ERC2: variants seen among roughly 807,000 people sequenced by gnomAD.
ERC2 encodes the protein ELKS/RAB6-interacting/CAST family member 2, also known as ERC protein 2.
Under a neutral mutation model 114.8 loss-of-function variants are expected in ERC2, and 42 were observed. The ratio of observed to expected loss-of-function variants is 0.37; its 90% confidence interval spans 0.29 to 0.47. ERC2 has a LOEUF of 0.47. ERC2 is among the 20% of genes least tolerant of loss of function. The pLI, the probability that ERC2 is intolerant of heterozygous loss-of-function variation, is 0.99. For missense variants in ERC2, 939 were observed against 1,150.7 expected (o/e 0.82, Z 2.66); for synonymous variants, 454 against 425.5 (o/e 1.07, Z -0.82).
intron 17 of ERC2, among the ~76,000 whole-genome samples, chr3:55,669,523 A>C (rs183204940): frequency 1.3e-5 from 2 of 152,320 alleles, no homozygotes; most frequent in East Asian, 3.9e-4. Flanking sequence ...TTTCTTTGTA[A>C]TTTCACTTGG....
At chr3:56,017,760 G>A (rs570181905) in intron 8 of ERC2, among the ~76,000 whole-genome samples, 2 of 152,038 alleles carry the variant, frequency 1.3e-5, no homozygotes, top group African/African-American at 2.4e-5. Context: ...CGTATTTATT[G>A]TCTGTCTCCC....
chr3:56,370,989 G>A (rs1261554410), intron 2 of ERC2, among the ~76,000 whole-genome samples: 1 of 152,180 alleles, frequency 6.6e-6, no homozygotes, highest in African/African-American at 2.4e-5. Flanking sequence ...TCTATATGGA[G>A]CCTTAAATGC....
rs754962233 is a variant in ERC2 at position 55,699,359 on chromosome 3, A to C, written c.2847+19T>G. ...AAAGGGTAAAAGGGGTCTTGGAGGT[A>C]AGCAGCGATGAAACTGACCTGGTCC... is the stretch of plus-strand genomic sequence containing the variant. On this transcript the variant is annotated intron_variant, in intron 16 of 17. Transcript: ENST00000288221. The C allele has an allele frequency of 3.7e-6, 6 of 1,613,404 alleles. No homozygotes were observed. The highest frequency in any genetic ancestry group is 5.1e-6 in the Non-Finnish European group (6 of 1,179,654).
At chr3:55,596,785 T>C (rs1024217219) in intron 17 of ERC2, among the ~76,000 whole-genome samples, 3 of 152,144 alleles carry the variant, frequency 2.0e-5, no homozygotes, top group Non-Finnish European at 4.4e-5. Flanking sequence ...CCAGGAGCTA[T>C]AACATTAGAT....
rs184616552 is a variant in ERC2, at chr3:56,198,152, C to T, written c.1075-24632G>A. On this transcript the variant is annotated intron_variant, in intron 3 of 17. Coordinates refer to ENST00000288221, the MANE Select transcript of ERC2 (RefSeq NM_015576.3). ...ATTTGTCCATTCTGGACACATAACA[C>T]TGGCACAGAGCCCAGAACAGAGGAA... Among the ~76,000 whole-genome samples the T allele has an allele frequency of 2.0e-5, 3 of 152,218 alleles. No individual in the cohort carries two copies. The East Asian group carries it at 5.8e-4, about 29-fold the overall frequency.
At chr3:55,790,994 T>C (rs1301839360) in intron 14 of ERC2, among the ~76,000 whole-genome samples, 1 of 152,244 alleles carries the variant, frequency 6.6e-6, no homozygotes, top group Non-Finnish European at 1.5e-5. Flanking sequence ...GTAACCCACC[T>C]GGGCCTCAGC....
intron 17 of ERC2, among the ~76,000 whole-genome samples, chr3:55,522,668 C>T (rs1335416101): frequency 3.3e-5 from 5 of 152,152 alleles, no homozygotes; most frequent in African/African-American, 1.2e-4. Context: ...AAATCCCATG[C>T]CAAAGCCTGC....
chr3:56,258,371 G>A (rs1344574104), intron 3 of ERC2, among the ~76,000 whole-genome samples: 2 of 152,174 alleles, frequency 1.3e-5, no homozygotes, highest in South Asian at 2.1e-4. Flanking sequence ...AATAAAATAT[G>A]TACTGGCCGG....
chr3:55,979,862 G>A (rs1428539042), intron 12 of ERC2, among the ~76,000 whole-genome samples: 3 of 151,892 alleles, frequency 2.0e-5, no homozygotes, highest in African/African-American at 4.8e-5. Flanking sequence ...GAGCATCACT[G>A]GGCCCAGTAG....
chr3:55,593,056 A>C (rs2057970425), intron 17 of ERC2, among the ~76,000 whole-genome samples: 1 of 152,248 alleles, frequency 6.6e-6, no homozygotes, highest in Admixed American at 6.5e-5. Flanking sequence ...AATGGCAAGC[A>C]AGAAAGATAT....
intron 1 of ERC2, among the ~76,000 whole-genome samples, chr3:56,441,459 A>G (rs2062302459): frequency 6.6e-6 from 1 of 152,238 alleles, no homozygotes; most frequent in African/African-American, 2.4e-5. Context: ...AAAGAACTGA[A>G]ACACTTAGGT....
At chr3:56,417,165 T>C (rs2061197503) in intron 2 of ERC2, among the ~76,000 whole-genome samples, 1 of 152,198 alleles carries the variant, frequency 6.6e-6, no homozygotes, top group African/African-American at 2.4e-5. Context: ...TTAATATATA[T>C]AGCTTGCTAG....
At chr3:55,818,578 C>T (rs1383175434) in intron 14 of ERC2, among the ~76,000 whole-genome samples, 2 of 152,222 alleles carry the variant, frequency 1.3e-5, no homozygotes, top group African/African-American at 4.8e-5. Flanking sequence ...TGAACTCTCA[C>T]TGGCTACTTG....
intron 14 of ERC2, among the ~76,000 whole-genome samples, chr3:55,805,382 A>G (rs4129822): frequency 0.14 from 21,898 of 151,754 alleles, 1,764 homozygotes; most frequent in East Asian, 0.22. Flanking sequence ...AATAAATATT[A>G]GTTGAGTAAC....
intron 14 of ERC2, among the ~76,000 whole-genome samples, chr3:55,789,261 T>C (rs1233200205): frequency 6.6e-6 from 1 of 152,228 alleles, no homozygotes; most frequent in African/African-American, 2.4e-5. Flanking sequence ...AGAGAGACTT[T>C]CTTTACTGCT....
chr3:55,918,989 G>A (rs994371012), intron 13 of ERC2, among the ~76,000 whole-genome samples: 2 of 152,064 alleles, frequency 1.3e-5, no homozygotes, highest in Non-Finnish European at 2.9e-5. Context: ...TTTTCTCAAA[G>A]AGAAATGCTC....
intron 2 of ERC2, among the ~76,000 whole-genome samples, chr3:56,392,414 T>C (rs1487716424): frequency 1.3e-5 from 2 of 152,196 alleles, no homozygotes; most frequent in East Asian, 3.8e-4. Context: ...TGGGGCTTTA[T>C]ATAGGACAAT....
chr3:55,877,120 G>C (rs1428655343), intron 14 of ERC2, among the ~76,000 whole-genome samples: 1 of 152,194 alleles, frequency 6.6e-6, no homozygotes, highest in Non-Finnish European at 1.5e-5. Context: ...CTCAACCTCA[G>C]TACCACTGGT....
intron 4 of ERC2, 117 bp downstream of exon 4, chr3:56,173,329 T>G: frequency 1.1e-6 from 1 of 938,394 alleles, no homozygotes; most frequent in Non-Finnish European, 1.7e-6. Flanking sequence ...AAGTAAAGCA[T>G]CCAGCAGGGT....
Sources: gnomAD v4.1 joint callset for allele counts (sites outside exome capture counted in the v4.1 genomes callset) on GRCh38, gnomAD v4.1.1 for gene constraint, MANE v1.5 for transcripts, NCBI Gene and HGNC (gene_info 2026-07-23, HGNC 2026-07-21) for gene names.